ADGRD1: variants seen among roughly 807,000 people sequenced by gnomAD.
ADGRD1 encodes adhesion G protein-coupled receptor D1.
ADGRD1 carries 77 observed loss-of-function variants against 113.4 expected under a neutral mutation model. That is an observed-to-expected ratio of 0.68 (90% confidence interval 0.57 to 0.82). ADGRD1 has a LOEUF of 0.82. Among genes scored for constraint, ADGRD1 ranks in the 40% least tolerant of loss-of-function variants. The pLI, the probability that ADGRD1 is intolerant of heterozygous loss-of-function variation, is 0.00. For missense variants in ADGRD1, 1,036 were observed against 1,139.1 expected (o/e 0.91, Z 1.30); for synonymous variants, 474 against 475.0 (o/e 1.00, Z 0.03).
At position 131,004,251 on chromosome 12, in the gene ADGRD1, G is replaced by T; in HGVS notation, c.1210G>T (p.Gly404Trp). Reference sequence around the variant, plus strand: ...CTCCCATTACCGCTTCCCGGCCCACGGGCAGAGCTTCATCCAGATCCCCCA... The same window carrying T: ...CTCCCATTACCGCTTCCCGGCCCACTGGCAGAGCTTCATCCAGATCCCCCA... ...NSSHYRFPAH[G>W]QSFIQIPHEA... The change falls in exon 11 of 25, where the codon GGG becomes TGG. Residue 404 changes from glycine (G) to tryptophan (W), a missense_variant. Transcript: ENST00000261654. 1 of 1,613,788 alleles carries T rather than the reference G, an allele frequency of 6.2e-7. No individual in the cohort carries two copies. The highest frequency in any genetic ancestry group is 8.5e-7 in the Non-Finnish European group (1 of 1,179,928).
intron 13 of ADGRD1, among the ~76,000 whole-genome samples, chr12:131,019,156 A>G (rs1466002241): frequency 6.6e-6 from 1 of 152,252 alleles, no homozygotes; most frequent in African/African-American, 2.4e-5. Context: ...CCGACTCAGC[A>G]GTGGCCTCTG....
chr12:130,987,264 T>G lies in ADGRD1; in HGVS notation c.660T>G (p.Tyr220Ter), dbSNP rs746461245. The G allele has an allele frequency of 1.9e-6, 3 of 1,614,140 alleles. No individual in the cohort carries two copies. The highest frequency in any genetic ancestry group is 2.5e-6 in the Non-Finnish European group (3 of 1,179,932). The change falls in exon 6 of 25, where the codon TAT (tyrosine) becomes TAG (stop). Residue 220 changes from tyrosine to a stop codon, truncating the protein, a stop_gained. Coordinates refer to ENST00000261654, the MANE Select transcript of ADGRD1 (RefSeq NM_198827.5). LOFTEE classifies it high-confidence loss of function. Reference protein sequence around the residue: ...IGSEQDQAKCYENGAFDEFII... With the variant: ...IGSEQDQAKC ...CTGAGCAGGACCAGGCCAAGTGTTA[T>G]GAGAACGGTGCTTTCGATGAGTTCA... is the stretch of plus-strand genomic sequence containing the variant.
intron 15 of ADGRD1, among the ~76,000 whole-genome samples, chr12:131,101,377 C>T (rs10848283): frequency 0.061 from 2,202 of 35,982 alleles, 159 homozygotes; most frequent in South Asian, 0.16. Context: ...TTCTTTCTTT[C>T]TTTTTTTTTT....
chr12:130,969,135 G>A, intron 3 of ADGRD1: 4 of 929,018 alleles, frequency 4.3e-6, no homozygotes, highest in Non-Finnish European at 5.0e-6. Context: ...GAATTCTAAG[G>A]CCAATTCTGT....
chr12:131,085,924 G>A (rs570527052), intron 15 of ADGRD1, among the ~76,000 whole-genome samples: 9 of 152,276 alleles, frequency 5.9e-5, no homozygotes, highest in East Asian at 1.9e-4. Flanking sequence ...TGTGCTCATC[G>A]TGGCCACTGA....
At position 130,966,091 on chromosome 12, in the gene ADGRD1, T is replaced by C. The variant is rs78693370; in HGVS notation, c.104-372T>C. 8.7e-3 allele frequency among the ~76,000 whole-genome samples: 1,319 copies of C among 152,342 alleles called. 6 individuals carry two copies. The highest frequency in any genetic ancestry group is 0.012 in the Non-Finnish European group (784 of 68,028). On this transcript the variant is annotated intron_variant, in intron 2 of 24. Transcript: ENST00000261654. The surrounding 1 kb of genome is among the most constrained non-coding windows in gnomAD (Gnocchi z 4.6). ...TATTTGTTTCTATAGTGTGATTGCA[T>C]TGATATTAACTCTAAAATAATGGTA...
At chr12:130,982,143 C>A in intron 5 of ADGRD1, 80 bp downstream of exon 5, 1 of 1,296,076 alleles carries the variant, frequency 7.7e-7, no homozygotes, top group Non-Finnish European at 1.1e-6. Flanking sequence ...AGAAGCCCAA[C>A]GCAGCCCAAG....
chr12:131,108,670 C>T (rs1006420552), intron 17 of ADGRD1, 54 bp from the exon 18 acceptor site: 46 of 1,612,360 alleles, frequency 2.9e-5, no homozygotes, highest in Middle Eastern at 3.3e-4. Context: ...ATCATAGCCA[C>T]GCCCAGGGCC....
intron 13 of ADGRD1, among the ~76,000 whole-genome samples, chr12:131,067,958 C>T (rs1884854473): frequency 1.6e-5 from 1 of 63,136 alleles, no homozygotes; most frequent in Non-Finnish European, 3.1e-5. Context: ...CTGCCCTCTG[C>T]CTCCTGTATG....
intron 13 of ADGRD1, among the ~76,000 whole-genome samples, chr12:131,064,525 A>G (rs12826118): frequency 0.09 from 13,648 of 152,284 alleles, 831 homozygotes; most frequent in Non-Finnish European, 0.13. Context: ...TATATAGTGC[A>G]TTTTCTTTCT....
rs781031815 is a variant in ADGRD1 at position 131,003,291 on chromosome 12, C to G, written c.1133C>G (p.Ser378Cys). The stretch of plus-strand genomic sequence containing the variant: ...CCCCAGGTCACCGTGGAGGGCTCCT[C>G]TGCCATGGCAGGTAGCTGTCGCTTG... ...STPQVTVEGS[S>C]AMAEFSVAKI... Residue 378 changes from serine (S) to cysteine (C), a missense_variant, in exon 10 of 25, where the codon TCT becomes TGT. Coordinates refer to ENST00000261654, the MANE Select transcript of ADGRD1 (RefSeq NM_198827.5). The surrounding 1 kb of genome is among the most constrained non-coding windows in gnomAD (Gnocchi z 4.8). The G allele has an allele frequency of 6.2e-7, 1 of 1,612,196 alleles. No individual in the cohort carries two copies. Among genetic ancestry groups the G allele is most frequent in the South Asian group, 1.1e-5 (1 of 91,040 alleles).
chr12:130,983,353 C>T (rs1482891827), intron 5 of ADGRD1, among the ~76,000 whole-genome samples: 2 of 152,264 alleles, frequency 1.3e-5, no homozygotes, highest in African/African-American at 2.4e-5. Flanking sequence ...TCAAATTTGC[C>T]CTCTGTGATC....
At chr12:131,036,662 GGGGCCTCACTCAGTACACC>G (rs1566052014) in intron 13 of ADGRD1, among the ~76,000 whole-genome samples, 25 of 76,706 alleles carry the variant, frequency 3.3e-4, no homozygotes, top group Non-Finnish European at 4.2e-4. Context: ...CTCACTGCAC[GGGGCCTCACTCAGTACACC>G]GGGCCTCACT....
At chr12:130,993,602 C>T (rs914229469) in intron 8 of ADGRD1, among the ~76,000 whole-genome samples, 3 of 152,042 alleles carry the variant, frequency 2.0e-5, no homozygotes, top group Admixed American at 6.6e-5. Flanking sequence ...CCACCACTCC[C>T]GGCTCTGTGT....
chr12:131,102,148 A>T (rs991024310), intron 15 of ADGRD1, among the ~76,000 whole-genome samples: 1 of 152,250 alleles, frequency 6.6e-6, no homozygotes, highest in Non-Finnish European at 1.5e-5. Flanking sequence ...AAGCAGAAAC[A>T]TCATTTCATG....
chr12:131,043,908 C>T (rs1007701527), intron 13 of ADGRD1, among the ~76,000 whole-genome samples: 1 of 152,126 alleles, frequency 6.6e-6, no homozygotes, highest in African/African-American at 2.4e-5. Flanking sequence ...CACCTGTTCC[C>T]CATGAGGAGG....
chr12:130,964,494 C>G (rs562146850), intron 2 of ADGRD1, among the ~76,000 whole-genome samples: 1 of 151,822 alleles, frequency 6.6e-6, no homozygotes, highest in African/African-American at 2.4e-5. Flanking sequence ...GAGACTAGCC[C>G]GGCCAACATG....
At chr12:131,064,931 T>C (rs1884597690) in intron 13 of ADGRD1, among the ~76,000 whole-genome samples, 1 of 152,226 alleles carries the variant, frequency 6.6e-6, no homozygotes, top group Non-Finnish European at 1.5e-5. Context: ...TCCATCAAAC[T>C]GCCCAGCTCT....
intron 13 of ADGRD1, among the ~76,000 whole-genome samples, chr12:131,053,966 C>T (rs1421650976): frequency 2.6e-5 from 4 of 152,162 alleles, no homozygotes; most frequent in African/African-American, 9.7e-5. Context: ...CATCTCTCAC[C>T]TGGTTATAGC....
Sources: gnomAD v4.1 joint callset for allele counts (sites outside exome capture counted in the v4.1 genomes callset) on GRCh38, gnomAD v4.1.1 for gene constraint, Gnocchi (gnomAD v3.1) non-coding constraint, MANE v1.5 for transcripts, NCBI Gene and HGNC (gene_info 2026-07-23, HGNC 2026-07-21) for gene names.